Variants in CDH13 observed in about 807,000 individuals in gnomAD.
CDH13 encodes the protein cadherin 13.
CDH13 carries 24 observed loss-of-function variants against 63.8 expected under a neutral mutation model. The observed-to-expected ratio is 0.38, with a 90% CI of 0.27 to 0.53. The LOEUF is 0.53. Among genes scored for constraint, CDH13 ranks in the 20% least tolerant of loss-of-function variants. The pLI, the probability that CDH13 is intolerant of heterozygous loss-of-function variation, is 0.85. For missense variants in CDH13, 1,049 were observed against 903.1 expected (o/e 1.16, Z -2.07); for synonymous variants, 503 against 355.3 (o/e 1.42, Z -4.67).
chr16:83,135,987 T>C (rs1323332976), intron 4 of CDH13, among the ~76,000 whole-genome samples: 3 of 151,882 alleles, frequency 2.0e-5, no homozygotes, highest in Admixed American at 6.6e-5. Flanking sequence ...CGCAAAAGCA[T>C]AGGCATGATA....
In CDH13 at chr16:83,522,804, G is replaced by A. The variant is rs138805221; in HGVS notation, c.960+36149G>A. Among the ~76,000 whole-genome samples, 680 of 152,200 alleles carry A rather than the reference G, an allele frequency of 4.5e-3. 6 individuals are homozygous for A. The highest frequency in any genetic ancestry group is 0.015 in the African/African-American group (635 of 41,528). On this transcript the variant is annotated intron_variant, in intron 7 of 13. Coordinates refer to ENST00000567109, the MANE Select transcript of CDH13 (RefSeq NM_001257.5). The stretch of plus-strand genomic sequence containing the variant: ...GCATTCTCCTGGGGCTTATTACAGA[G>A]GCTCTGACCTCCACCTATAGGTTCA...
At chr16:83,101,938 G>A (rs868000023) in intron 3 of CDH13, among the ~76,000 whole-genome samples, 9 of 152,332 alleles carry the variant, frequency 5.9e-5, no homozygotes, top group Middle Eastern at 6.8e-3. Flanking sequence ...CTTGGAACCT[G>A]TGAATGTGTT....
At chr16:82,654,309 A>G (rs779154247) in intron 1 of CDH13, among the ~76,000 whole-genome samples, 8 of 151,990 alleles carry the variant, frequency 5.3e-5, no homozygotes, top group Non-Finnish European at 1.0e-4. Context: ...CGGTTTCCCA[A>G]CTCTCATAGC....
intron 6 of CDH13, among the ~76,000 whole-genome samples, chr16:83,378,653 AT>A (rs1294938925): frequency 6.6e-6 from 1 of 152,062 alleles, no homozygotes; most frequent in Admixed American, 6.6e-5. Context: ...TTATTATCAT[AT>A]TTGCATGACC....
At chr16:83,086,484 C>CCA (rs2033602102) in intron 3 of CDH13, among the ~76,000 whole-genome samples, 1 of 152,152 alleles carries the variant, frequency 6.6e-6, no homozygotes, top group Non-Finnish European at 1.5e-5. Flanking sequence ...GGAGCTGTTT[C>CCA]TGTCCCAGAT....
intron 1 of CDH13, among the ~76,000 whole-genome samples, chr16:82,634,423 C>G (rs998886407): frequency 7.2e-5 from 11 of 152,224 alleles, no homozygotes; most frequent in African/African-American, 2.4e-4. Flanking sequence ...TTGCTGGACA[C>G]TGCCAGCGGA....
At chr16:82,698,202 TG>T (rs2030566465) in intron 1 of CDH13, among the ~76,000 whole-genome samples, 1 of 152,210 alleles carries the variant, frequency 6.6e-6, no homozygotes, top group South Asian at 2.1e-4. Context: ...TCTAAGGCAG[TG>T]CTATCTCTAG....
At chr16:83,687,268 A>G (rs1263133718) in intron 10 of CDH13, among the ~76,000 whole-genome samples, 1 of 152,206 alleles carries the variant, frequency 6.6e-6, no homozygotes, top group Non-Finnish European at 1.5e-5. Context: ...TGCTACACAG[A>G]AATGCCTGAG....
At chr16:83,289,992 C>T (rs576586614) in intron 5 of CDH13, among the ~76,000 whole-genome samples, 68 of 152,256 alleles carry the variant, frequency 4.5e-4, no homozygotes, top group African/African-American at 1.5e-3. Flanking sequence ...CCAGCTTCTC[C>T]CCAGAGGGAA....
At chr16:82,706,614 G>A (rs58291754) in intron 1 of CDH13, among the ~76,000 whole-genome samples, 2,580 of 151,794 alleles carry the variant, frequency 0.017, 80 homozygotes, top group African/African-American at 0.06. Context: ...GGCCAACATG[G>A]TGAAACCCCG....
chr16:83,198,438 C>CT (rs1269963093), intron 4 of CDH13, among the ~76,000 whole-genome samples: 4 of 151,986 alleles, frequency 2.6e-5, no homozygotes, highest in Admixed American at 1.3e-4. Flanking sequence ...ACATAATGAA[C>CT]TTTTGTTAGT....
intron 1 of CDH13, among the ~76,000 whole-genome samples, chr16:82,639,027 A>G (rs1010416684): frequency 6.6e-6 from 1 of 152,168 alleles, no homozygotes; most frequent in Non-Finnish European, 1.5e-5. Flanking sequence ...CATTTGCTCA[A>G]GGCCACACAG....
chr16:83,463,512 G>T (rs1327595000), intron 6 of CDH13, among the ~76,000 whole-genome samples: 1 of 152,136 alleles, frequency 6.6e-6, no homozygotes, highest in African/African-American at 2.4e-5. Flanking sequence ...CATGAAAGTG[G>T]CATGCAGGCC....
chr16:82,685,201 GC>G (rs1162929858), intron 1 of CDH13, among the ~76,000 whole-genome samples: 1 of 152,196 alleles, frequency 6.6e-6, no homozygotes, highest in East Asian at 1.9e-4. Flanking sequence ...AGACTAGGTG[GC>G]TTAAAAACAA....
chr16:83,468,530 T>A lies in CDH13; in HGVS notation c.782-17947T>A, dbSNP rs114646742. ...GTTACAGCATCCCCAGGAAATAGAT[T>A]TAGTGAGTGAAGGGTGAGCCATTTG... On this transcript the variant is annotated intron_variant, in intron 6 of 13. Transcript: ENST00000567109. 3.6e-3 allele frequency among the ~76,000 whole-genome samples: 544 copies of A among 152,140 alleles called. 4 individuals are homozygous for A. The highest frequency in any genetic ancestry group is 0.012 in the African/African-American group (504 of 41,496).
chr16:83,171,374 G>A, intron 4 of CDH13: 2 of 680,256 alleles, frequency 2.9e-6, no homozygotes, highest in Non-Finnish European at 5.2e-6. Flanking sequence ...CCAGTCACCT[G>A]CCACCAGGCC....
intron 6 of CDH13, among the ~76,000 whole-genome samples, chr16:83,472,564 G>A (rs1314398081): frequency 1.3e-5 from 2 of 152,206 alleles, no homozygotes; most frequent in Non-Finnish European, 2.9e-5. Context: ...GGAGCATCTA[G>A]TGCAGCTCTC....
chr16:82,745,219 C>A (rs146170145), intron 1 of CDH13, among the ~76,000 whole-genome samples: 1 of 152,132 alleles, frequency 6.6e-6, no homozygotes, highest in Non-Finnish European at 1.5e-5. Flanking sequence ...GGGGCGATGC[C>A]ATTCCAATGG....
chr16:83,053,132 G>C (rs2030560725), intron 3 of CDH13, among the ~76,000 whole-genome samples: 1 of 152,160 alleles, frequency 6.6e-6, no homozygotes, highest in African/African-American at 2.4e-5. Flanking sequence ...TTAGAAAGAT[G>C]CCTGGAACAT....
Sources: gnomAD v4.1 joint callset for allele counts (sites outside exome capture counted in the v4.1 genomes callset) on GRCh38, gnomAD v4.1.1 for gene constraint, MANE v1.5 for transcripts, NCBI Gene and HGNC (gene_info 2026-07-23, HGNC 2026-07-21) for gene names.